The following POLR2F variants were observed in gnomAD, a reference collection of about 807,000 sequenced individuals.
POLR2F encodes the protein RNA polymerase II, I and III subunit F, also known as DNA-directed RNA polymerases I, II, and III subunit RPABC2.
Under a neutral mutation model 22.7 loss-of-function variants are expected in POLR2F, and 12 were observed. The ratio of observed to expected loss-of-function variants is 0.53; its 90% CI spans 0.34 to 0.86. POLR2F has a LOEUF of 0.86. POLR2F is among the 40% of genes least tolerant of loss of function. The probability of loss-of-function intolerance (pLI) is 0.02; values close to 1 mark genes in which losing one functional copy is unlikely to be tolerated. For synonymous variants in POLR2F, 57 were observed against 66.0 expected (o/e 0.86, Z 0.66); for missense variants, 126 against 171.5 (o/e 0.73, Z 1.48).
At chr22:38,018,693 A>T (rs1232562001) in intron 1 of POLR2F, among the ~76,000 whole-genome samples, 1 of 152,176 alleles carries the variant, frequency 6.6e-6, no homozygotes, top group East Asian at 1.9e-4. Flanking sequence ...CTGAGAGTCC[A>T]CCAAAGTTTT....
chr22:38,024,166 T>C (rs1383921933), intron 1 of POLR2F, among the ~76,000 whole-genome samples: 2 of 152,188 alleles, frequency 1.3e-5, no homozygotes, highest in East Asian at 1.9e-4. Context: ...TTTTGACTAC[T>C]CTGGGGACCT....
Position 37,953,780 on chromosome 22 carries a change from A to G in POLR2F, c.-8A>G. On this transcript the variant is annotated 5_prime_UTR_variant, in exon 1 of 5. Transcript: ENST00000442738. ...GGGGCGCAGCGGGGTCGCTGAGGCGAGGGTGTCATGTCAGACAACGAGGAC... is the reference window on the plus strand; with the variant it reads ...GGGGCGCAGCGGGGTCGCTGAGGCGGGGGTGTCATGTCAGACAACGAGGAC... 6.2e-7 allele frequency: 1 copy of G among 1,609,118 alleles called. No homozygotes were observed. Among genetic ancestry groups the G allele is most frequent in the Non-Finnish European group, 8.5e-7 (1 of 1,178,810 alleles).
chr22:38,023,381 T>TA (rs1271706665), intron 1 of POLR2F, among the ~76,000 whole-genome samples: 2 of 152,238 alleles, frequency 1.3e-5, no homozygotes, highest in East Asian at 3.9e-4. Flanking sequence ...AACTGTTTCT[T>TA]AAAATCTATG....
chr22:38,014,606 C>T (rs1044386792), intron 1 of POLR2F, among the ~76,000 whole-genome samples: 8 of 151,150 alleles, frequency 5.3e-5, no homozygotes, highest in African/African-American at 1.9e-4. Flanking sequence ...GATTCTTCTG[C>T]CTCAGCCTCC....
At chr22:37,963,976 C>T (rs1016163641) in intron 3 of POLR2F, among the ~76,000 whole-genome samples, 1 of 152,026 alleles carries the variant, frequency 6.6e-6, no homozygotes, top group Non-Finnish European at 1.5e-5. Flanking sequence ...GTGGCGCGCG[C>T]CTATAATCCC....
At chr22:37,963,785 T>C (rs574636853) in intron 3 of POLR2F, among the ~76,000 whole-genome samples, 14 of 152,248 alleles carry the variant, frequency 9.2e-5, no homozygotes, top group African/African-American at 3.1e-4. Flanking sequence ...CATTAGCACT[T>C]GATAGGATGC....
downstream of POLR2F, among the ~76,000 whole-genome samples, chr22:38,028,572 G>A (rs2085036903): frequency 6.6e-6 from 1 of 152,110 alleles, no homozygotes; most frequent in South Asian, 2.1e-4. Context: ...GCATACGTGT[G>A]TGCATGAATG....
intron 1 of POLR2F, among the ~76,000 whole-genome samples, chr22:37,956,450 T>G (rs964429841): frequency 2.0e-5 from 3 of 151,356 alleles, no homozygotes; most frequent in African/African-American, 7.3e-5. Context: ...AGGTTCTTGT[T>G]CTGTCACCCA....
At chr22:37,987,312 T>C (rs1306353611) in intron 1 of POLR2F, 1 of 456,650 alleles carries the variant, frequency 2.2e-6, no homozygotes, top group South Asian at 1.5e-5. Context: ...ACTCAGAAGA[T>C]GGGCCCCAGA....
At chr22:37,957,327 G>A (rs1213380168) in intron 2 of POLR2F, among the ~76,000 whole-genome samples, 1 of 152,166 alleles carries the variant, frequency 6.6e-6, no homozygotes, top group Non-Finnish European at 1.5e-5. Flanking sequence ...CTGGGGAAGG[G>A]CAAGAGTGAA....
At chr22:38,030,923 G>C (rs2085058691), downstream of POLR2F, among the ~76,000 whole-genome samples, 1 of 152,156 alleles carries the variant, frequency 6.6e-6, no homozygotes, top group South Asian at 2.1e-4. Flanking sequence ...TCACCAGTAG[G>C]GGGTGGGAAA....
rs1931934822 is a variant in POLR2F, at chr22:37,968,233, C to T, written c.*518C>T. 3 of 985,508 alleles carry T rather than the reference C, an allele frequency of 3.0e-6. No homozygotes were observed. The highest frequency in any genetic ancestry group is 3.6e-6 in the Non-Finnish European group (3 of 829,996). 61.0% of individuals were successfully genotyped at this position (985,508 alleles called of 1,614,324 possible). On this transcript the variant is annotated 3_prime_UTR_variant, in exon 5 of 5. Coordinates refer to ENST00000442738, the MANE Select transcript of POLR2F (RefSeq NM_021974.5). ...TCAGGAGCAGTGCCCCAGCAGGAAG[C>T]GTGGGGGTGTGCTGATCTCCCACCC...
At chr22:37,970,514 G>A (rs542348417), downstream of POLR2F, among the ~76,000 whole-genome samples, 18 of 150,720 alleles carry the variant, frequency 1.2e-4, no homozygotes, top group Non-Finnish European at 2.7e-4. Flanking sequence ...GGCTGAGGCA[G>A]GGGAAGCACT....
chr22:37,975,181 C>T (rs1260671843), intron 4 of POLR2F, among the ~76,000 whole-genome samples: 2 of 152,224 alleles, frequency 1.3e-5, no homozygotes, highest in Non-Finnish European at 2.9e-5. Flanking sequence ...ATGCCAGGTA[C>T]TGTGCCAGGT....
At chr22:38,015,124 TAC>T (rs1005644502) in intron 1 of POLR2F, among the ~76,000 whole-genome samples, 1 of 152,186 alleles carries the variant, frequency 6.6e-6, no homozygotes, top group African/African-American at 2.4e-5. Flanking sequence ...GGACTTCTAA[TAC>T]AGTGTTGAAC....
intron 1 of POLR2F, among the ~76,000 whole-genome samples, chr22:38,023,350 C>A (rs2084977443): frequency 6.6e-6 from 1 of 152,160 alleles, no homozygotes; most frequent in South Asian, 2.1e-4. Context: ...CTTCTGTTAT[C>A]AACAGGCTAC....
chr22:38,033,568 C>T (rs963161442), intron 5 of POLR2F, among the ~76,000 whole-genome samples: 12 of 152,342 alleles, frequency 7.9e-5, no homozygotes, highest in Non-Finnish European at 2.9e-5. Context: ...GCAAGCCCTG[C>T]TGGGCTGGCA....
intron 3 of POLR2F, among the ~76,000 whole-genome samples, 190 bp from the exon 4 acceptor site, chr22:37,966,909 C>T (rs374802045): frequency 3.9e-5 from 6 of 152,286 alleles, no homozygotes; most frequent in South Asian, 4.1e-4. Flanking sequence ...CGCTGGACTC[C>T]GGAGTCTGTG....
At chr22:37,982,766 C>A (rs1396394707), upstream of POLR2F, among the ~76,000 whole-genome samples, 7 of 152,064 alleles carry the variant, frequency 4.6e-5, no homozygotes, top group African/African-American at 1.4e-4. Flanking sequence ...GAAGAAGCCC[C>A]CAACTCAAAG....
Sources: gnomAD v4.1 joint callset for allele counts (sites outside exome capture counted in the v4.1 genomes callset) on GRCh38, gnomAD v4.1.1 for gene constraint, MANE v1.5 for transcripts, NCBI Gene and HGNC (gene_info 2026-07-23, HGNC 2026-07-21) for gene names.